The following SPTLC2 variants were observed in gnomAD, a reference collection of about 807,000 sequenced individuals.
SPTLC2 encodes the protein serine palmitoyltransferase long chain base subunit 2, also known as serine palmitoyltransferase 2.
In SPTLC2, 21 loss-of-function variants were observed where a neutral mutation model predicts 62.0. The observed-to-expected ratio is 0.34, with a 90% confidence interval of 0.24 to 0.49. SPTLC2 has a LOEUF of 0.49. Among genes scored for constraint, SPTLC2 ranks in the 20% least tolerant of loss-of-function variants. The pLI, the probability that SPTLC2 is intolerant of heterozygous loss-of-function variation, is 0.99. For missense variants in SPTLC2, 511 were observed against 713.0 expected (o/e 0.72, Z 3.23); for synonymous variants, 261 against 261.8 (o/e 1.00, Z 0.03).
At chr14:77,534,607 A>ACACACACACG (rs2079459591) in intron 9 of SPTLC2, among the ~76,000 whole-genome samples, 1 of 143,752 alleles carries the variant, frequency 7.0e-6, no homozygotes, top group Non-Finnish European at 1.6e-5. Context: ...ACACACACAT[A>ACACACACACG]TGCTAAACAT....
intron 3 of SPTLC2, 79 bp from the exon 4 acceptor site, chr14:77,576,994 C>G (rs932508793): frequency 4.6e-6 from 7 of 1,506,868 alleles, no homozygotes; most frequent in Non-Finnish European, 6.4e-6. Flanking sequence ...ACTGGTGACA[C>G]AAAAGGAAGC....
At chr14:77,583,199 CAATAAATAAATAAATA>C (rs58888587) in intron 2 of SPTLC2, among the ~76,000 whole-genome samples, 5 of 132,484 alleles carry the variant, frequency 3.8e-5, no homozygotes, top group Admixed American at 2.4e-4. Context: ...AAAGCTGTCT[CAATAAATAAATAAATA>C]AATAAATAAA....
chr14:77,534,162 TCTTTCTCTCTCTCTCTCACA>T (rs1285961918), intron 9 of SPTLC2, among the ~76,000 whole-genome samples: 5 of 111,564 alleles, frequency 4.5e-5, no homozygotes, highest in Non-Finnish European at 9.3e-5. Context: ...TGTCTCTCTC[TCTTTCTCTCTCTCTCTCACA>T]CACACACACA....
chr14:77,576,727 T>A (rs1319537532), intron 4 of SPTLC2, 40 bp downstream of exon 4: 3 of 1,614,100 alleles, frequency 1.9e-6, no homozygotes, highest in Non-Finnish European at 2.5e-6. Context: ...ACTAAAACAA[T>A]GTCAAAAACA....
At chr14:77,604,263 T>C (rs1313858111) in intron 1 of SPTLC2, among the ~76,000 whole-genome samples, 1 of 152,198 alleles carries the variant, frequency 6.6e-6, no homozygotes, top group East Asian at 1.9e-4. Flanking sequence ...TGAAGGGCAG[T>C]GGGTCTCCAA....
chr14:77,590,334 A>C (rs1339575920), intron 2 of SPTLC2, among the ~76,000 whole-genome samples: 1 of 152,262 alleles, frequency 6.6e-6, no homozygotes, highest in Non-Finnish European at 1.5e-5. Context: ...AGCACTCTAT[A>C]GTACAGAGTA....
intron 7 of SPTLC2, 51 bp from the exon 8 acceptor site, chr14:77,555,570 T>A (rs1457729083): frequency 6.4e-7 from 1 of 1,557,858 alleles, no homozygotes. Context: ...TGAGACTTTT[T>A]AAATCAAAAT....
intron 6 of SPTLC2, among the ~76,000 whole-genome samples, chr14:77,560,512 G>A (rs2079608603): frequency 6.6e-6 from 1 of 152,128 alleles, no homozygotes; most frequent in Non-Finnish European, 1.5e-5. Flanking sequence ...CTACTAGGGT[G>A]GCTGAGATGG....
chr14:77,587,386 T>C (rs1222647409), intron 2 of SPTLC2, among the ~76,000 whole-genome samples: 1 of 152,160 alleles, frequency 6.6e-6, no homozygotes, highest in Non-Finnish European at 1.5e-5. Context: ...CATATTTACA[T>C]GCAGGAAATG....
At chr14:77,525,773 G>A (rs949523646) in intron 9 of SPTLC2, among the ~76,000 whole-genome samples, 3 of 152,132 alleles carry the variant, frequency 2.0e-5, no homozygotes, top group Non-Finnish European at 2.9e-5. Context: ...AATTAGCCGG[G>A]CGTGGTGGTG....
At chr14:77,513,048 CAG>C (rs1184335871) in intron 11 of SPTLC2, among the ~76,000 whole-genome samples, 1 of 26,654 alleles carries the variant, frequency 3.8e-5, no homozygotes, top group African/African-American at 9.1e-5. Flanking sequence ...TTTTTTGAGA[CAG>C]AGTCTTGCTT....
chr14:77,611,806 A>C (rs2079939637), intron 1 of SPTLC2, among the ~76,000 whole-genome samples: 1 of 151,042 alleles, frequency 6.6e-6, no homozygotes, highest in Non-Finnish European at 1.5e-5. Context: ...AGCCTGGGCG[A>C]CAGAGTGAGA....
At chr14:77,589,083 G>A (rs1257456169) in intron 2 of SPTLC2, among the ~76,000 whole-genome samples, 1 of 144,730 alleles carries the variant, frequency 6.9e-6, no homozygotes, top group African/African-American at 2.6e-5. Context: ...AATTCTAAAA[G>A]TATTTTATAA....
intron 1 of SPTLC2, 74 bp downstream of exon 1, chr14:77,616,374 G>A (rs1209798900): frequency 3.1e-6 from 3 of 964,692 alleles, no homozygotes; most frequent in South Asian, 4.0e-5. Context: ...ATGGCCCGGA[G>A]ACCTCGCCCC....
At chr14:77,589,471 C>G (rs2079802943) in intron 2 of SPTLC2, among the ~76,000 whole-genome samples, 1 of 133,828 alleles carries the variant, frequency 7.5e-6, no homozygotes. Flanking sequence ...CAATACCATT[C>G]ATATCTTAAA....
chr14:77,511,779 C>A lies in SPTLC2; in HGVS notation c.*505G>T. ...AAAGGGTGAAAACTTCCGTTGATTA[C>A]TTGAATGGTTAAATAAGGATTCCAA... On this transcript the variant is annotated 3_prime_UTR_variant, in exon 12 of 12. Coordinates refer to ENST00000216484, the MANE Select transcript of SPTLC2 (RefSeq NM_004863.4). The A allele has an allele frequency of 5.6e-6, 1 of 179,242 alleles. No homozygotes were observed. The highest frequency in any genetic ancestry group is 1.2e-5 in the Non-Finnish European group (1 of 83,046). 11.1% of individuals were successfully genotyped at this position (179,242 alleles called of 1,614,324 possible).
At chr14:77,564,230 T>TG (rs1207342490) in intron 5 of SPTLC2, among the ~76,000 whole-genome samples, 11 of 26,284 alleles carry the variant, frequency 4.2e-4, no homozygotes, top group South Asian at 3.9e-3. Context: ...AGACTCTGTC[T>TG]GGGGGGAAAA....
At chr14:77,611,286 G>C (rs1170854430) in intron 1 of SPTLC2, among the ~76,000 whole-genome samples, 1 of 151,158 alleles carries the variant, frequency 6.6e-6, no homozygotes, top group Non-Finnish European at 1.5e-5. Context: ...CTGGGTGACA[G>C]AGCAAGACTC....
intron 11 of SPTLC2, among the ~76,000 whole-genome samples, chr14:77,513,178 T>C (rs2139989828): frequency 6.6e-6 from 1 of 151,654 alleles, no homozygotes; most frequent in South Asian, 2.1e-4. Flanking sequence ...GCATGTGCCA[T>C]CACACCCAGC....
Sources: gnomAD v4.1 joint callset for allele counts (sites outside exome capture counted in the v4.1 genomes callset) on GRCh38, gnomAD v4.1.1 for gene constraint, MANE v1.5 for transcripts, NCBI Gene and HGNC (gene_info 2026-07-23, HGNC 2026-07-21) for gene names.